The following IPO7 variants were observed in gnomAD, a reference collection of about 807,000 sequenced individuals.
The protein encoded by IPO7 is importin 7, also known as importin-7.
IPO7 carries 13 observed loss-of-function variants against 136.4 expected under a neutral mutation model. The ratio of observed to expected loss-of-function variants is 0.10; its 90% confidence interval spans 0.06 to 0.15. IPO7 has a LOEUF of 0.15. Ranked by LOEUF, IPO7 falls within the 10% of genes least tolerant of loss-of-function variation. The pLI is 1.00. For missense variants in IPO7, 857 were observed against 1,240.6 expected (o/e 0.69, Z 4.65); for synonymous variants, 403 against 404.4 (o/e 1.00, Z 0.04).
At chr11:9,415,781 T>C (rs1855033807) in intron 5 of IPO7, among the ~76,000 whole-genome samples, 1 of 151,354 alleles carries the variant, frequency 6.6e-6, no homozygotes, top group Admixed American at 6.6e-5. Flanking sequence ...GAGGTTGCAG[T>C]GAGCCGAGAT....
chr11:9,430,365 A>G (rs1352136509), intron 15 of IPO7: 1 of 155,366 alleles, frequency 6.4e-6, no homozygotes, highest in Non-Finnish European at 1.4e-5. Flanking sequence ...TGCCTAAGCT[A>G]GGCAGGGTGC....
At chr11:9,397,341 A>AAAAAAAAAAAAAAT in intron 1 of IPO7, among the ~76,000 whole-genome samples, 1 of 10,762 alleles carries the variant, frequency 9.3e-5, no homozygotes, top group Non-Finnish European at 1.8e-4. Context: ...TTTAAAAAAA[A>AAAAAAAAAAAAAAT]ATATATATAT....
At chr11:9,386,741 TAAAC>T (rs1235394215) in intron 1 of IPO7, among the ~76,000 whole-genome samples, 2 of 152,200 alleles carry the variant, frequency 1.3e-5, no homozygotes, top group Non-Finnish European at 2.9e-5. Context: ...TTTTGGAAGA[TAAAC>T]AAATGATCAA....
chr11:9,435,306 A>G (rs1855354398), intron 19 of IPO7, among the ~76,000 whole-genome samples: 1 of 152,252 alleles, frequency 6.6e-6, no homozygotes, highest in Non-Finnish European at 1.5e-5. Flanking sequence ...AAAGAAGGAA[A>G]GAGTCAAGAA....
At chr11:9,393,231 C>G (rs550356444) in intron 1 of IPO7, among the ~76,000 whole-genome samples, 129 of 152,230 alleles carry the variant, frequency 8.5e-4, no homozygotes, top group Non-Finnish European at 1.6e-3. Context: ...ATGGGATGGA[C>G]TAGAGGGCTA....
chr11:9,423,612 A>G (rs927340787), intron 9 of IPO7, among the ~76,000 whole-genome samples, 165 bp from the exon 10 acceptor site: 1 of 152,204 alleles, frequency 6.6e-6, no homozygotes, highest in Non-Finnish European at 1.5e-5. Flanking sequence ...GGGGAAGTAC[A>G]TGTAGTTTGA....
intron 1 of IPO7, among the ~76,000 whole-genome samples, chr11:9,385,297 GC>G (rs1854536680): frequency 6.6e-6 from 1 of 152,198 alleles, no homozygotes; most frequent in South Asian, 2.1e-4. Flanking sequence ...TCCTTTGGGG[GC>G]TGCGCCTGTC....
intron 1 of IPO7, among the ~76,000 whole-genome samples, chr11:9,394,933 G>A (rs1318965127): frequency 1.3e-5 from 2 of 152,160 alleles, no homozygotes; most frequent in African/African-American, 2.4e-5. Context: ...ATGGTTAAGA[G>A]CTTTTAAAAC....
chr11:9,394,655 GTCT>G (rs1038137824), intron 1 of IPO7, among the ~76,000 whole-genome samples: 2 of 152,088 alleles, frequency 1.3e-5, no homozygotes, highest in Non-Finnish European at 2.9e-5. Flanking sequence ...ACTGTTCAAA[GTCT>G]TCTCTGATTT....
Position 9,445,416 on chromosome 11 carries a change from G to A in IPO7, c.*222G>A, listed in dbSNP as rs1182008990. 1 of 392,764 alleles carries A rather than the reference G, an allele frequency of 2.5e-6. No homozygotes were observed. The highest frequency in any genetic ancestry group is 2.0e-5 in the African/African-American group (1 of 49,572). 24.3% of individuals were successfully genotyped at this position (392,764 alleles called of 1,614,324 possible). A position where few individuals can be genotyped will look rare whatever the true frequency, so the allele number is the denominator to read the frequency against. On this transcript the variant is annotated 3_prime_UTR_variant, in exon 25 of 25. Transcript: ENST00000379719. ...GGGGGGATGGGAGGTACCTTAGAGG[G>A]AGTATTTTCTTTATTTTTTGAAGAA...
Position 9,414,371 on chromosome 11 carries a change from T to C in IPO7, c.596T>C (p.Ile199Thr). 1 of 1,611,076 alleles carries C rather than the reference T, an allele frequency of 6.2e-7. No individual in the cohort carries two copies. The highest frequency in any genetic ancestry group is 8.5e-7 in the Non-Finnish European group (1 of 1,178,362). ...LSDQSDQSVLIQKQIFKIFYA... is the reference protein window; with the variant it reads ...LSDQSDQSVLTQKQIFKIFYA... ...GACCAGTCTGATCAGTCTGTCCTCA[T>C]CCAGAAACAGATATTCAAGATCTTC... Residue 199 changes from isoleucine (I) to threonine (T), a missense_variant, in exon 5 of 25, where the codon ATC becomes ACC. This residue lies in a region of IPO7 where 287 missense variants were observed against 307.5 expected (regional missense o/e 0.93). Coordinates refer to ENST00000379719, the MANE Select transcript of IPO7 (RefSeq NM_006391.3).
chr11:9,438,580 G>A (rs1855416108), intron 22 of IPO7, among the ~76,000 whole-genome samples: 1 of 151,932 alleles, frequency 6.6e-6, no homozygotes, highest in African/African-American at 2.4e-5. Flanking sequence ...AGCCAAGATT[G>A]CATCACTGCA....
chr11:9,391,330 C>T (rs975194748), intron 1 of IPO7, among the ~76,000 whole-genome samples: 2 of 151,412 alleles, frequency 1.3e-5, no homozygotes, highest in Non-Finnish European at 1.5e-5. Context: ...ACCCGGGAGG[C>T]GGAGGTGCAG....
intron 8 of IPO7, among the ~76,000 whole-genome samples, chr11:9,421,986 A>G (rs1855138675): frequency 6.6e-6 from 1 of 151,494 alleles, no homozygotes; most frequent in Non-Finnish European, 1.5e-5. Flanking sequence ...GCTGTAAAGA[A>G]TACAGTGACT....
At chr11:9,411,959 T>C (rs1215605235) in intron 4 of IPO7, among the ~76,000 whole-genome samples, 1 of 152,194 alleles carries the variant, frequency 6.6e-6, no homozygotes, top group Non-Finnish European at 1.5e-5. Context: ...CTGTGATGCA[T>C]AAATAGAGCT....
At chr11:9,413,646 G>A (rs896727909) in intron 4 of IPO7, among the ~76,000 whole-genome samples, 11 of 151,990 alleles carry the variant, frequency 7.2e-5, no homozygotes, top group African/African-American at 2.7e-4. Flanking sequence ...CTATCAAAGT[G>A]AGGATACTCA....
chr11:9,433,931 T>TA (rs1374958247), intron 18 of IPO7, 85 bp downstream of exon 18: 4 of 1,416,800 alleles, frequency 2.8e-6, no homozygotes, highest in Non-Finnish European at 3.8e-6. Flanking sequence ...CACTTTTTTT[T>TA]TTTTTTTTTG....
rs780394439 is a variant in IPO7 at position 9,408,517 on chromosome 11, G to A, written c.198G>A (p.Gln66=). The part of the protein sequence containing the change: ...GVIYLKNMIT[Q]YWPDRETAPG... ...TCTATCTGAAAAATATGATAACACA[G>A]TATTGGCCTGATCGAGAAACAGCAC... The change falls in exon 3 of 25, where the codon CAG becomes CAA. Residue 66 remains glutamine (Q), a synonymous_variant. Transcript: ENST00000379719. 1.2e-6 allele frequency: 2 copies of A among 1,601,348 alleles called. No individual in the cohort carries two copies. Among genetic ancestry groups the A allele is most frequent in the African/African-American group, 2.7e-5 (2 of 74,280 alleles).
At position 9,442,157 on chromosome 11, in the gene IPO7, G is replaced by A. The variant is rs1177433830; in HGVS notation, c.2979G>A (p.Gln993=). 2 of 1,605,442 alleles carry A rather than the reference G, an allele frequency of 1.2e-6. No individual in the cohort carries two copies. Among genetic ancestry groups the A allele is most frequent in the African/African-American group, 1.3e-5 (1 of 74,722 alleles). The change falls in exon 24 of 25, where the codon CAG becomes CAA. Residue 993 remains glutamine (Q), a synonymous_variant. Transcript: ENST00000379719. ...GLNEEQRKQL[Q]DIATLADQRR... is the part of the protein sequence containing the mutation. Reference sequence around the variant, plus strand: ...ATGAAGAACAAAGAAAACAGTTACAGGACATAGCAACTCTGGCTGATCAAA... The same window carrying A: ...ATGAAGAACAAAGAAAACAGTTACAAGACATAGCAACTCTGGCTGATCAAA...
Sources: gnomAD v4.1 joint callset for allele counts (sites outside exome capture counted in the v4.1 genomes callset) on GRCh38, gnomAD v4.1.1 for gene constraint, gnomAD v4.1.1 regional missense constraint, MANE v1.5 for transcripts, NCBI Gene and HGNC (gene_info 2026-07-23, HGNC 2026-07-21) for gene names.